Variants in TRPM2 observed in about 807,000 individuals in gnomAD.
TRPM2 encodes transient receptor potential cation channel subfamily M member 2.
TRPM2 carries 161 observed loss-of-function variants against 174.0 expected under a neutral mutation model. That is an observed-to-expected ratio of 0.93 (90% confidence interval 0.81 to 1.05). The LOEUF (loss-of-function observed/expected upper bound fraction) is 1.05, where lower values mean the gene tolerates loss of function less well. Among genes scored for constraint, TRPM2 ranks in the 50% least tolerant of loss-of-function variants. The pLI is 0.00. For missense variants in TRPM2, 2,057 were observed against 2,038.0 expected, an observed-to-expected ratio of 1.01 and a Z score of -0.18; for synonymous variants, 954 against 861.3, an observed-to-expected ratio of 1.11 and a Z score of -1.88.
Position 44,438,305 on chromosome 21 carries a change from T to TG in TRPM2, c.4168-762_4168-761insG, listed in dbSNP as rs2015056151. On this transcript the variant is annotated intron_variant, in intron 29 of 31. Transcript: ENST00000397928. This position sits in a 1 kb window ranked among gnomAD's most constrained non-coding sequence, Gnocchi z 5.9. ...CTCCGCTCTCTGGCACTTTGGCCTC[T>TG]CCATGCGGGGTGCGTGGAGTTGGGT... 6.6e-6 allele frequency among the ~76,000 whole-genome samples: 1 copy of TG among 152,070 alleles called. No individual in the cohort carries two copies. The highest frequency in any genetic ancestry group is 1.5e-5 in the Non-Finnish European group (1 of 68,030).
In TRPM2 at chr21:44,437,115, TG is replaced by T. The variant is rs1245388902; in HGVS notation, c.4117del (p.Glu1373LysfsTer5). ...TGCAGGAAGAGCATAAAGAAGATGC[TG>T]GAAGTGCTGGTGGTGAAGCTCCCTC... ...AICRKSIKKM[L>X]EVLVVKLPLS... On this transcript the variant is annotated frameshift_variant, in exon 29 of 32. Coordinates refer to ENST00000397928, the MANE Select transcript of TRPM2 (RefSeq NM_003307.4). LOFTEE classifies it high-confidence loss of function. The T allele has an allele frequency of 2.5e-5, 39 of 1,551,220 alleles. No homozygotes were observed. Among genetic ancestry groups the T allele is most frequent in the Non-Finnish European group, 3.2e-5 (37 of 1,146,910 alleles).
chr21:44,354,002 T>C lies in TRPM2; in HGVS notation c.165+137T>C. 3 of 1,055,034 alleles carry C rather than the reference T, an allele frequency of 2.8e-6. No individual in the cohort carries two copies. The highest frequency in any genetic ancestry group is 4.0e-6 in the Non-Finnish European group (3 of 755,268). 65.4% of individuals were successfully genotyped at this position (1,055,034 alleles called of 1,614,324 possible). A position where few individuals can be genotyped will look rare whatever the true frequency, so the allele number is the denominator to read the frequency against. Reference sequence around the variant, plus strand: ...TGGGGGCTCCTGCCCAACCATACCTTTGGGAGAACAGAACTGGGGAGGGTG... The same window carrying C: ...TGGGGGCTCCTGCCCAACCATACCTCTGGGAGAACAGAACTGGGGAGGGTG... On this transcript the variant is annotated intron_variant, in intron 1 of 31. Transcript: ENST00000397928. The surrounding 1 kb of genome is among the most constrained non-coding windows in gnomAD (Gnocchi z 4.3).
At chr21:44,390,083 AG>A (rs2049127198) in intron 9 of TRPM2, among the ~76,000 whole-genome samples, 1 of 152,056 alleles carries the variant, frequency 6.6e-6, no homozygotes, top group Admixed American at 6.6e-5. Flanking sequence ...CGTGTTAGCC[AG>A]GATGGTCTCG....
chr21:44,427,630 T>C (rs982906258), intron 27 of TRPM2, among the ~76,000 whole-genome samples: 4 of 152,096 alleles, frequency 2.6e-5, no homozygotes, highest in African/African-American at 7.2e-5. Flanking sequence ...TCTTGGACCC[T>C]GCCATGAGGA....
chr21:44,379,295 G>A (rs1353154439), intron 8 of TRPM2, 98 bp downstream of exon 8: 5 of 1,409,926 alleles, frequency 3.5e-6, no homozygotes, highest in Non-Finnish European at 4.9e-6. Context: ...CCGATGCGGA[G>A]AACCCACTGG....
In TRPM2 at chr21:44,406,966, A is replaced by AG. The variant is rs1429786713; in HGVS notation, c.2962+207dup. 3.4e-3 allele frequency among the ~76,000 whole-genome samples: 502 copies of AG among 148,526 alleles called. 1 individual carries two copies. The highest frequency in any genetic ancestry group is 0.011 in the African/African-American group (429 of 40,208). ...AAGGGGCCCCACCAGGGGAGGGAGG[A>AG]GGGGGGCCTGGTGGGGGTGAGTGGT... On this transcript the variant is annotated intron_variant, in intron 19 of 31. Coordinates refer to ENST00000397928, the MANE Select transcript of TRPM2 (RefSeq NM_003307.4).
chr21:44,390,803 G>A lies in TRPM2; in HGVS notation c.1319-101G>A, dbSNP rs2049148903. Reference sequence around the variant, plus strand: ...GCCTGTCACTTTGAATTGTTGAGAGGCAAGGGCTCATGACACATCCCTGAC... The same window carrying A: ...GCCTGTCACTTTGAATTGTTGAGAGACAAGGGCTCATGACACATCCCTGAC... On this transcript the variant is annotated intron_variant, in intron 9 of 31. Transcript: ENST00000397928. 4 of 1,523,384 alleles carry A rather than the reference G, an allele frequency of 2.6e-6. No homozygotes were observed. The South Asian group carries it at 4.8e-5, about 18-fold the overall frequency. 94.4% of individuals were successfully genotyped at this position (1,523,384 alleles called of 1,614,324 possible).
At chr21:44,410,346 TTG>T (rs1293327498) in intron 19 of TRPM2, among the ~76,000 whole-genome samples, 7 of 46,884 alleles carry the variant, frequency 1.5e-4, no homozygotes, top group African/African-American at 4.4e-4. Context: ...ACTGTCTTGG[TTG>T]GTGTAGCCTT....
intron 12 of TRPM2, among the ~76,000 whole-genome samples, chr21:44,396,938 AG>A (rs1336908564): frequency 7.9e-6 from 1 of 125,906 alleles, no homozygotes; most frequent in Non-Finnish European, 1.7e-5. Context: ...GGGGTTGTGG[AG>A]GGCTGTGGAG....
chr21:44,435,234 C>T lies in TRPM2; in HGVS notation c.4061+17C>T, dbSNP rs1000000320. 29 of 1,608,994 alleles carry T rather than the reference C, an allele frequency of 1.8e-5. No individual in the cohort carries two copies. Among genetic ancestry groups the T allele is most frequent in the Admixed American group, 6.7e-5 (4 of 59,846 alleles). ...GGTCACGCGGTGAGTTCATGTGTGC[C>T]GGGCACCAGCACCTCAGCAAGGCGG... On this transcript the variant is annotated intron_variant, in intron 28 of 31. Transcript: ENST00000397928.
chr21:44,389,583 C>A (rs1002468193), intron 9 of TRPM2, among the ~76,000 whole-genome samples: 2 of 152,146 alleles, frequency 1.3e-5, no homozygotes, highest in Admixed American at 6.5e-5. Flanking sequence ...CTGTAGCCAT[C>A]CTAGTGGATG....
At chr21:44,407,099 T>C (rs1243369327) in intron 19 of TRPM2, among the ~76,000 whole-genome samples, 1 of 136,446 alleles carries the variant, frequency 7.3e-6, no homozygotes, top group Non-Finnish European at 1.6e-5. Context: ...CAATCAGAAA[T>C]AACTTCCTTC....
intron 5 of TRPM2, among the ~76,000 whole-genome samples, chr21:44,372,941 G>A (rs892957717): frequency 7.2e-5 from 11 of 152,060 alleles, no homozygotes; most frequent in Non-Finnish European, 1.3e-4. Context: ...ATTTTATCCC[G>A]TCTCTGTCCC....
chr21:44,432,357 T>A lies in TRPM2; in HGVS notation c.3975-2774T>A, dbSNP rs1382313427. Among the ~76,000 whole-genome samples the A allele has an allele frequency of 1.3e-5, 2 of 152,210 alleles. No individual in the cohort carries two copies. The highest frequency in any genetic ancestry group is 4.8e-5 in the African/African-American group (2 of 41,454). ...TAGCCACATGGCCTCTCCCTGCACG[T>A]GTCTGTGTCTCTTCTGTTCTTAGGA... On this transcript the variant is annotated intron_variant, in intron 27 of 31. Coordinates refer to ENST00000397928, the MANE Select transcript of TRPM2 (RefSeq NM_003307.4). The surrounding 1 kb of genome is among the most constrained non-coding windows in gnomAD (Gnocchi z 4.9).
intron 19 of TRPM2, among the ~76,000 whole-genome samples, chr21:44,407,017 A>G (rs762251991): frequency 2.0e-5 from 3 of 149,468 alleles, no homozygotes; most frequent in Non-Finnish European, 4.5e-5. Context: ...GAGTGGGCCG[A>G]GGGCACCTGG....
chr21:44,426,989 C>T (rs41276558), intron 26 of TRPM2, 21 bp from the exon 27 acceptor site: 28 of 1,568,026 alleles, frequency 1.8e-5, no homozygotes, highest in Admixed American at 5.7e-5. Context: ...CACACAGACA[C>T]GCCTTCTCCT....
chr21:44,416,654 G>T, intron 20 of TRPM2: 1 of 182,258 alleles, frequency 5.5e-6, no homozygotes, highest in South Asian at 9.3e-5. Context: ...TTCTTGCTTT[G>T]GTTCCCAGGA....
rs2049174329 is a variant in TRPM2 at position 44,391,511 on chromosome 21, C to T, written c.1680C>T (p.His560=). The part of the protein sequence containing the change: ...APAAPRLQMH[H]VAQVLRELLG... ...CGGCGCCCCGCCTGCAGATGCACCACGTGGCCCAGGTGCTGCGGGAGCTGC... is the reference window on the plus strand; with the variant it reads ...CGGCGCCCCGCCTGCAGATGCACCATGTGGCCCAGGTGCTGCGGGAGCTGC... Residue 560 remains histidine (H), a synonymous_variant, in exon 11 of 32, where the codon CAC becomes CAT. Transcript: ENST00000397928. The surrounding 1 kb of genome is among the most constrained non-coding windows in gnomAD (Gnocchi z 5.0). 1.9e-6 allele frequency: 3 copies of T among 1,609,702 alleles called. No homozygotes were observed. The highest frequency in any genetic ancestry group is 3.3e-5 in the Admixed American group (2 of 59,914).
chr21:44,370,812 C>T (rs980674896), intron 5 of TRPM2, among the ~76,000 whole-genome samples: 4 of 152,212 alleles, frequency 2.6e-5, no homozygotes, highest in African/African-American at 9.7e-5. Flanking sequence ...AAGCCAGGAG[C>T]GGCTGGGTGA....
Sources: allele counts gnomAD v4.1 joint callset (sites outside exome capture counted in the v4.1 genomes callset), GRCh38; gene constraint gnomAD v4.1.1; non-coding constraint Gnocchi (gnomAD v3.1); transcripts MANE v1.5; gene names NCBI Gene and HGNC (gene_info 2026-07-23, HGNC 2026-07-21).